RPS6KB1: variants seen among roughly 807,000 people sequenced by gnomAD.
RPS6KB1 encodes the protein ribosomal protein S6 kinase beta-1.
A neutral mutation model predicts 70.2 loss-of-function variants in RPS6KB1; 12 were observed. The observed-to-expected ratio is 0.17, with a 90% CI of 0.11 to 0.28. RPS6KB1 has a LOEUF of 0.28. Ranked by LOEUF, RPS6KB1 falls within the 10% of genes least tolerant of loss-of-function variation. The pLI is 1.00. For synonymous variants in RPS6KB1, 175 were observed against 211.2 expected (o/e 0.83, Z 1.49); for missense variants, 270 against 646.6 (o/e 0.42, Z 6.32).
Position 59,912,812 on chromosome 17 carries a change from A to G in RPS6KB1, c.312+8A>G, listed in dbSNP as rs973149911. 3 of 1,613,562 alleles carry G rather than the reference A, an allele frequency of 1.9e-6. No homozygotes were observed. Among genetic ancestry groups the G allele is most frequent in the African/African-American group, 1.3e-5 (1 of 75,026 alleles). ...AAAGGGGGCTATGGAAAGGTAGGCA[A>G]TATTTTTGAAATGAGAGCTGTTGTC... On this transcript the variant is annotated splice_region_variant and intron_variant, in intron 3 of 14. Coordinates refer to ENST00000225577, the MANE Select transcript of RPS6KB1 (RefSeq NM_003161.4).
In RPS6KB1 at chr17:59,893,179, G is replaced by A. The variant is rs373348379; in HGVS notation, c.-6G>A. The A allele has an allele frequency of 1.3e-6, 2 of 1,571,178 alleles. No individual in the cohort carries two copies. The highest frequency in any genetic ancestry group is 1.2e-5 in the South Asian group (1 of 84,992). On this transcript the variant is annotated 5_prime_UTR_variant, in exon 1 of 15. Coordinates refer to ENST00000225577, the MANE Select transcript of RPS6KB1 (RefSeq NM_003161.4). The surrounding 1 kb of genome is among the most constrained non-coding windows in gnomAD (Gnocchi z 4.1). The stretch of plus-strand genomic sequence containing the variant: ...CGGCTGTGGTGGCTGCGGCGGGTCC[G>A]GGCCCATGAGGCGACGAAGGAGGCG...
intron 13 of RPS6KB1, chr17:59,945,182 A>G (rs1055384918): frequency 3.6e-5 from 13 of 362,012 alleles, no homozygotes; most frequent in Non-Finnish European, 5.5e-5. Flanking sequence ...TTTGTTTGCT[A>G]GCATATCAGG....
intron 4 of RPS6KB1, among the ~76,000 whole-genome samples, chr17:59,921,459 T>G (rs528779449): frequency 4.6e-5 from 7 of 152,276 alleles, no homozygotes; most frequent in Non-Finnish European, 1.0e-4. Context: ...CCCTTTGAGT[T>G]CCTTCCTTCT....
In RPS6KB1 at chr17:59,946,207, G is replaced by T. The variant is rs1892333487; in HGVS notation, c.1341-344G>T. Among the ~76,000 whole-genome samples the T allele has an allele frequency of 6.6e-6, 1 of 152,208 alleles. No individual in the cohort carries two copies. The highest frequency in any genetic ancestry group is 2.4e-5 in the African/African-American group (1 of 41,446). On this transcript the variant is annotated intron_variant, in intron 14 of 14. Transcript: ENST00000225577. This position sits in a 1 kb window ranked among gnomAD's most constrained non-coding sequence, Gnocchi z 4.2. Reference sequence around the variant, plus strand: ...TCCTGGAGTGTGTGGTGAGTGAGGAGAAGGGCAGAGGTTTGGAAAAGTATT... The same window carrying T: ...TCCTGGAGTGTGTGGTGAGTGAGGATAAGGGCAGAGGTTTGGAAAAGTATT...
chr17:59,923,011 G>T (rs1484494902), intron 4 of RPS6KB1, among the ~76,000 whole-genome samples: 2 of 150,026 alleles, frequency 1.3e-5, no homozygotes, highest in East Asian at 3.9e-4. Context: ...GGATAGGTGC[G>T]TGCCACCATA....
At chr17:59,922,098 TG>T (rs2043300142) in intron 4 of RPS6KB1, among the ~76,000 whole-genome samples, 1 of 149,566 alleles carries the variant, frequency 6.7e-6, no homozygotes, top group Non-Finnish European at 1.5e-5. Context: ...TGGAGTGCAG[TG>T]GTGCAATTTT....
intron 5 of RPS6KB1, among the ~76,000 whole-genome samples, chr17:59,927,435 C>T (rs1428791270): frequency 1.3e-5 from 2 of 151,910 alleles, no homozygotes; most frequent in East Asian, 1.9e-4. Context: ...AAGGATTTTG[C>T]AGTAACGTGT....
At position 59,893,356 on chromosome 17, in the gene RPS6KB1, T is replaced by G. The variant is rs1358404746; in HGVS notation, c.141+31T>G. 11 of 1,575,680 alleles carry G rather than the reference T, an allele frequency of 7.0e-6. No individual in the cohort carries two copies. The highest frequency in any genetic ancestry group is 1.4e-5 in the African/African-American group (1 of 73,938). On this transcript the variant is annotated intron_variant, in intron 1 of 14. Transcript: ENST00000225577. The surrounding 1 kb of genome is among the most constrained non-coding windows in gnomAD (Gnocchi z 4.1). ...GCCCGGGGTCCCCGGGGGCCCGAGG[T>G]GACAGGGCCGGGGCGGCGGCGCGGG...
Position 59,947,422 on chromosome 17 carries a change from C to T in RPS6KB1, c.*634C>T. ...GAAAGCCAGACAACTTCTGTTTCTT[C>T]TCTTGGTGAAATAATAAAATGCAAA... On this transcript the variant is annotated 3_prime_UTR_variant, in exon 15 of 15. Coordinates refer to ENST00000225577, the MANE Select transcript of RPS6KB1 (RefSeq NM_003161.4). 7.8e-7 allele frequency: 1 copy of T among 1,279,576 alleles called. No homozygotes were observed. Among genetic ancestry groups the T allele is most frequent in the Non-Finnish European group, 9.9e-7 (1 of 1,005,906 alleles). The allele number at this position is 1,279,576 out of a possible 1,614,324, so 79.3% of individuals were successfully genotyped here.
At chr17:59,907,279 A>C (rs1422006428) in intron 1 of RPS6KB1, 1 of 152,166 alleles carries the variant, frequency 6.6e-6, no homozygotes, top group Non-Finnish European at 1.5e-5. Context: ...CTGGGATTAC[A>C]GGCATGAGCC....
At chr17:59,909,226 C>CTTTTTTTTT (rs1165144356) in intron 1 of RPS6KB1, among the ~76,000 whole-genome samples, 1 of 78,068 alleles carries the variant, frequency 1.3e-5, no homozygotes, top group Admixed American at 1.9e-4. Flanking sequence ...CCGCACGTGG[C>CTTTTTTTTT]TTTTTTTTTT....
intron 4 of RPS6KB1, among the ~76,000 whole-genome samples, chr17:59,922,072 A>T (rs2043298004): frequency 7.3e-6 from 1 of 136,848 alleles, no homozygotes; most frequent in East Asian, 2.1e-4. Flanking sequence ...AAGCAGTCTC[A>T]CTCTGTTGCC....
At position 59,936,490 on chromosome 17, in the gene RPS6KB1, C is replaced by T; in HGVS notation, c.1068C>T (p.Asn356=). The T allele has an allele frequency of 6.2e-7, 1 of 1,613,758 alleles. No individual in the cohort carries two copies. The highest frequency in any genetic ancestry group is 1.1e-5 in the South Asian group (1 of 91,066). ...VQAHPFFRHI[N]WEELLARKVE... The stretch of plus-strand genomic sequence containing the variant: ...CTCATCCATTCTTTAGACACATTAA[C>T]TGGGAAGAACTTCTGGCTCGAAAGG... The change falls in exon 12 of 15, where the codon AAC becomes AAT. Residue 356 remains asparagine (N), a synonymous_variant. Coordinates refer to ENST00000225577, the MANE Select transcript of RPS6KB1 (RefSeq NM_003161.4).
chr17:59,896,283 TC>T (rs777622764), intron 1 of RPS6KB1, among the ~76,000 whole-genome samples: 4 of 151,950 alleles, frequency 2.6e-5, no homozygotes, highest in Non-Finnish European at 5.9e-5. Context: ...AGCCTCCACT[TC>T]CCGGGTTCAA....
chr17:59,941,159 A>G (rs1474500231), intron 13 of RPS6KB1, among the ~76,000 whole-genome samples: 1 of 151,928 alleles, frequency 6.6e-6, no homozygotes, highest in Non-Finnish European at 1.5e-5. Context: ...GTGGGAATGT[A>G]CAAATCTTTG....
intron 5 of RPS6KB1, among the ~76,000 whole-genome samples, chr17:59,927,091 T>A (rs2043650643): frequency 6.6e-6 from 1 of 152,084 alleles, no homozygotes; most frequent in Admixed American, 6.6e-5. Flanking sequence ...TCTATTTATT[T>A]TTTTTTTTGA....
chr17:59,912,580 TTTAC>T (rs1231631000), intron 2 of RPS6KB1, 100 bp from the exon 3 acceptor site: 4 of 1,219,810 alleles, frequency 3.3e-6, no homozygotes, highest in African/African-American at 3.0e-5. Context: ...CTTTTTTACT[TTTAC>T]TTACTTAGAT....
At chr17:59,896,229 A>C (rs986678284) in intron 1 of RPS6KB1, among the ~76,000 whole-genome samples, 1 of 150,792 alleles carries the variant, frequency 6.6e-6, no homozygotes, top group African/African-American at 2.4e-5. Context: ...GTCTTGCTCT[A>C]TTTGCCCAGG....
At position 59,912,671 on chromosome 17, in the gene RPS6KB1, CT is replaced by C. The variant is rs780421155; in HGVS notation, c.192-9del. On this transcript the variant is annotated splice_polypyrimidine_tract_variant and intron_variant, in intron 2 of 14. Coordinates refer to ENST00000225577, the MANE Select transcript of RPS6KB1 (RefSeq NM_003161.4). ...TTTTGCAAATTTATTTTTGGTTTTG[CT>C]TTTCTTCCCAGTGGCATGGAACATT... The C allele has an allele frequency of 3.1e-6, 5 of 1,602,764 alleles. No individual in the cohort carries two copies. Among genetic ancestry groups the C allele is most frequent in the Non-Finnish European group, 4.3e-6 (5 of 1,174,864 alleles).
Sources: allele counts gnomAD v4.1 joint callset (sites outside exome capture counted in the v4.1 genomes callset), GRCh38; gene constraint gnomAD v4.1.1; non-coding constraint Gnocchi (gnomAD v3.1); transcripts MANE v1.5; gene names NCBI Gene and HGNC (gene_info 2026-07-23, HGNC 2026-07-21).